The following NDFIP1 variants were observed in gnomAD, a reference collection of about 807,000 sequenced individuals.
NDFIP1 encodes the protein Nedd4 family interacting protein 1.
A neutral mutation model predicts 28.8 loss-of-function variants in NDFIP1; 7 were observed. That is an observed-to-expected ratio of 0.24 (90% confidence interval 0.14 to 0.46). NDFIP1 has a LOEUF of 0.46. Among genes scored for constraint, NDFIP1 ranks in the 20% least tolerant of loss-of-function variants. The pLI is 0.99. For missense variants in NDFIP1, 194 were observed against 269.1 expected (o/e 0.72, Z 1.95); for synonymous variants, 92 against 101.0 (o/e 0.91, Z 0.53).
At chr5:142,121,099 C>T (rs570175093) in intron 1 of NDFIP1, among the ~76,000 whole-genome samples, 146 of 152,340 alleles carry the variant, frequency 9.6e-4, no homozygotes, top group African/African-American at 3.3e-3. Context: ...TTTGATTTCA[C>T]TGTCTTTTCA....
At chr5:142,110,733 G>A (rs1425112720) in intron 1 of NDFIP1, among the ~76,000 whole-genome samples, 2 of 152,062 alleles carry the variant, frequency 1.3e-5, no homozygotes, top group African/African-American at 4.8e-5. Context: ...CATTCTTGTG[G>A]GTTTATAGCT....
At chr5:142,112,854 C>A (rs7705042) in intron 1 of NDFIP1, among the ~76,000 whole-genome samples, 101,392 of 150,614 alleles carry the variant, frequency 0.67, 34,409 homozygotes, top group African/African-American at 0.77. Flanking sequence ...TCATTTTTGC[C>A]TTTTGAAACT....
At chr5:142,134,733 G>C (rs1215686565) in intron 3 of NDFIP1, among the ~76,000 whole-genome samples, 2 of 152,102 alleles carry the variant, frequency 1.3e-5, no homozygotes, top group African/African-American at 4.8e-5. Flanking sequence ...CAGTTAAAAA[G>C]ATAGCCCACA....
At chr5:142,123,073 G>A (rs1049358731) in intron 1 of NDFIP1, among the ~76,000 whole-genome samples, 18 of 151,638 alleles carry the variant, frequency 1.2e-4, no homozygotes, top group African/African-American at 4.1e-4. Flanking sequence ...AGTGATTCTC[G>A]TGCCTCAGCC....
chr5:142,132,124 G>A (rs1214502100), intron 2 of NDFIP1, 88 bp from the exon 3 acceptor site: 9 of 1,469,986 alleles, frequency 6.1e-6, no homozygotes. Context: ...TAAGGGAATG[G>A]CTGGGTTTTG....
intron 1 of NDFIP1, among the ~76,000 whole-genome samples, chr5:142,125,284 G>C (rs549404539): frequency 9.2e-5 from 14 of 152,284 alleles, no homozygotes; most frequent in African/African-American, 3.4e-4. Context: ...GAAGATTCAT[G>C]TACCAGTTTT....
In NDFIP1 at chr5:142,144,724, A is replaced by G. The variant is rs537349133; in HGVS notation, c.*2+48A>G. The stretch of plus-strand genomic sequence containing the variant: ...TAGTCCCAGTGTAACCATGTGCTAC[A>G]TTGTAGATTTCTGTTCAGTTTTAGA... On this transcript the variant is annotated intron_variant, in intron 7 of 7. Coordinates refer to ENST00000253814, the MANE Select transcript of NDFIP1 (RefSeq NM_030571.4). 3.3e-6 allele frequency: 4 copies of G among 1,213,460 alleles called. No homozygotes were observed. The African/African-American group carries it at 4.6e-5, about 14-fold the overall frequency. 75.2% of individuals were successfully genotyped at this position (1,213,460 alleles called of 1,614,324 possible).
At chr5:142,119,790 T>C (rs1757104589) in intron 1 of NDFIP1, among the ~76,000 whole-genome samples, 1 of 152,218 alleles carries the variant, frequency 6.6e-6, no homozygotes, top group Non-Finnish European at 1.5e-5. Context: ...ATAACACTCA[T>C]ATATCTATTA....
chr5:142,109,536 C>G (rs1364927811), intron 1 of NDFIP1, among the ~76,000 whole-genome samples: 1 of 152,170 alleles, frequency 6.6e-6, no homozygotes, highest in Non-Finnish European at 1.5e-5. Flanking sequence ...CCCCTCGCCT[C>G]CGTTTTAAGA....
Position 142,111,978 on chromosome 5 carries a change from A to G in NDFIP1, c.63+2941A>G, listed in dbSNP as rs188487056. ...GCTACTTGGGAGGCTGAGGCAGGAG[A>G]ATTGCTTGAACCTGGGAGGCAGAAG... On this transcript the variant is annotated intron_variant, in intron 1 of 7. Transcript: ENST00000253814. Among the ~76,000 whole-genome samples the G allele has an allele frequency of 2.7e-3, 404 of 152,104 alleles. 2 individuals are homozygous for G. The highest frequency in any genetic ancestry group is 9.3e-3 in the African/African-American group (386 of 41,486).
chr5:142,132,736 G>A (rs932928721), intron 3 of NDFIP1, among the ~76,000 whole-genome samples: 2 of 152,158 alleles, frequency 1.3e-5, no homozygotes, highest in African/African-American at 4.8e-5. Flanking sequence ...ACTCATAAGA[G>A]GGATCTTCAC....
intron 1 of NDFIP1, among the ~76,000 whole-genome samples, chr5:142,115,357 C>G (rs1005366032): frequency 6.6e-6 from 1 of 152,098 alleles, no homozygotes; most frequent in South Asian, 2.1e-4. Flanking sequence ...GATCTCGGCT[C>G]ACTGCAACCT....
chr5:142,148,314 T>C (rs1757411746), intron 7 of NDFIP1, among the ~76,000 whole-genome samples: 1 of 152,160 alleles, frequency 6.6e-6, no homozygotes, highest in African/African-American at 2.4e-5. Context: ...ACTACTATCA[T>C]AGGGGCAGCT....
At chr5:142,147,106 A>G (rs548892278) in intron 7 of NDFIP1, among the ~76,000 whole-genome samples, 2 of 152,266 alleles carry the variant, frequency 1.3e-5, no homozygotes, top group South Asian at 2.1e-4. Context: ...TTGCTTTTCT[A>G]TTTAACTGTG....
intron 7 of NDFIP1, among the ~76,000 whole-genome samples, chr5:142,145,877 T>G (rs1310691161): frequency 6.6e-6 from 1 of 152,192 alleles, no homozygotes; most frequent in Non-Finnish European, 1.5e-5. Flanking sequence ...AGTGTCAGTT[T>G]ATATAGGCAA....
chr5:142,139,671 G>A (rs750830521), intron 5 of NDFIP1, among the ~76,000 whole-genome samples: 15 of 152,170 alleles, frequency 9.9e-5, no homozygotes, highest in Non-Finnish European at 2.2e-4. Flanking sequence ...AAGGGAAGGG[G>A]ATTACCCTGG....
chr5:142,149,416 C>CTGTA (rs1757422953), intron 7 of NDFIP1, among the ~76,000 whole-genome samples: 1 of 143,574 alleles, frequency 7.0e-6, no homozygotes, highest in South Asian at 2.3e-4. Flanking sequence ...ATTAAATGAT[C>CTGTA]TGTAGGCTAT....
At chr5:142,140,542 G>A (rs897267141) in intron 5 of NDFIP1, 21 bp from the exon 6 acceptor site, 1 of 1,597,158 alleles carries the variant, frequency 6.3e-7, no homozygotes, top group South Asian at 1.1e-5. Flanking sequence ...CTGCTATAAA[G>A]TGTTTTGCCT....
At chr5:142,139,971 C>A (rs1045027639) in intron 5 of NDFIP1, among the ~76,000 whole-genome samples, 9 of 152,022 alleles carry the variant, frequency 5.9e-5, no homozygotes, top group Admixed American at 2.6e-4. Flanking sequence ...TCTAAAAAAA[C>A]CAATTTTTGT....
Sources: gnomAD v4.1 joint callset for allele counts (sites outside exome capture counted in the v4.1 genomes callset) on GRCh38, gnomAD v4.1.1 for gene constraint, MANE v1.5 for transcripts, NCBI Gene and HGNC (gene_info 2026-07-23, HGNC 2026-07-21) for gene names.